VEPH1: variants seen among roughly 807,000 people sequenced by gnomAD.
VEPH1 encodes ventricular zone expressed PH domain containing 1.
VEPH1 carries 80 observed loss-of-function variants against 85.2 expected under a neutral mutation model. That is an observed-to-expected ratio of 0.94 (90% CI 0.78 to 1.13). VEPH1 has a LOEUF of 1.13. Among genes scored for constraint, VEPH1 ranks in the 50% most tolerant of loss-of-function variants. The probability of loss-of-function intolerance (pLI) is 0.00; values close to 1 mark genes in which losing one functional copy is unlikely to be tolerated. For synonymous variants in VEPH1, 297 were observed against 348.0 expected (o/e 0.85, Z 1.63); for missense variants, 955 against 980.5 (o/e 0.97, Z 0.35).
At chr3:157,425,129 A>G (rs1462664848) in intron 5 of VEPH1, among the ~76,000 whole-genome samples, 1 of 152,196 alleles carries the variant, frequency 6.6e-6, no homozygotes, top group Non-Finnish European at 1.5e-5. Flanking sequence ...GGGCCAAAGT[A>G]CAGCTCGGGC....
chr3:157,447,986 A>G (rs1734679110), intron 4 of VEPH1, among the ~76,000 whole-genome samples: 1 of 152,152 alleles, frequency 6.6e-6, no homozygotes, highest in Non-Finnish European at 1.5e-5. Context: ...GATGATGATG[A>G]TGATGATAGA....
intron 11 of VEPH1, among the ~76,000 whole-genome samples, chr3:157,293,013 AG>A (rs1232071585): frequency 1.3e-5 from 2 of 151,880 alleles, no homozygotes; most frequent in African/African-American, 2.4e-5. Flanking sequence ...AAAAGAAAAA[AG>A]TTTCATTTCA....
At chr3:157,415,099 A>C (rs1382312243) in intron 5 of VEPH1, 1 of 152,126 alleles carries the variant, frequency 6.6e-6, no homozygotes, top group Non-Finnish European at 1.5e-5. Context: ...CCACCTGGCT[A>C]CTCAAACTAG....
chr3:157,359,500 C>A (rs907902634), intron 9 of VEPH1, among the ~76,000 whole-genome samples: 2 of 152,186 alleles, frequency 1.3e-5, no homozygotes, highest in Admixed American at 6.5e-5. Flanking sequence ...TGTTTCATAT[C>A]CAAAATGACA....
chr3:157,308,577 C>G (rs1279914584), intron 11 of VEPH1, among the ~76,000 whole-genome samples: 2 of 151,218 alleles, frequency 1.3e-5, no homozygotes, highest in African/African-American at 2.4e-5. Flanking sequence ...TTTTTTGCCC[C>G]TCTCAAAAAT....
Position 157,460,239 on chromosome 3 carries a change from A to G in VEPH1, c.471T>C (p.Ile157=). The G allele has an allele frequency of 2.5e-6, 4 of 1,614,202 alleles. No homozygotes were observed. The highest frequency in any genetic ancestry group is 3.4e-6 in the Non-Finnish European group (4 of 1,180,038). The change falls in exon 4 of 14, where the codon ATT becomes ATC. Residue 157 remains isoleucine, a synonymous_variant. Coordinates refer to ENST00000362010, the MANE Select transcript of VEPH1 (RefSeq NM_001167912.2). ...NMSNYLSLAA[I]TKADLLADHT... ...GATCAGCCAGGAGATCTGCCTTGGT[A>G]ATTGCAGCCAGAGACAGGTAGTTAG... is the stretch of plus-strand genomic sequence containing the variant.
intron 13 of VEPH1, among the ~76,000 whole-genome samples, chr3:157,264,036 A>G (rs1275518073): frequency 6.6e-6 from 1 of 152,236 alleles, no homozygotes; most frequent in Non-Finnish European, 1.5e-5. Context: ...AGAGGCTGGC[A>G]TTTGAATTAG....
At chr3:157,489,677 CTG>C (rs1479214656) in intron 2 of VEPH1, among the ~76,000 whole-genome samples, 10 of 150,508 alleles carry the variant, frequency 6.6e-5, no homozygotes, top group Non-Finnish European at 1.5e-5. Context: ...TGTTTATTTT[CTG>C]TCTTACCCAA....
intron 6 of VEPH1, among the ~76,000 whole-genome samples, chr3:157,411,423 T>C (rs1466303153): frequency 1.3e-5 from 2 of 152,164 alleles, no homozygotes; most frequent in Non-Finnish European, 2.9e-5. Context: ...TGATGGGTGA[T>C]GGGCAAGGCC....
At chr3:157,444,188 G>A (rs891587294) in intron 4 of VEPH1, among the ~76,000 whole-genome samples, 1 of 152,184 alleles carries the variant, frequency 6.6e-6, no homozygotes, top group African/African-American at 2.4e-5. Context: ...ATTCTGAAAT[G>A]TTGTGGGCCC....
At chr3:157,442,936 T>C in intron 4 of VEPH1, 1 of 1,613,328 alleles carries the variant, frequency 6.2e-7, no homozygotes, top group Non-Finnish European at 8.5e-7. Flanking sequence ...GGGTGGGGAG[T>C]CACAGAGATC....
intron 7 of VEPH1, among the ~76,000 whole-genome samples, chr3:157,370,278 A>G (rs559020987): frequency 2.0e-5 from 3 of 152,290 alleles, no homozygotes; most frequent in East Asian, 3.9e-4. Flanking sequence ...TAAAGCTGGC[A>G]GGGGGTGGAA....
At chr3:157,414,290 T>C (rs1184565983) in intron 5 of VEPH1, among the ~76,000 whole-genome samples, 200 bp from the exon 6 acceptor site, 1 of 152,198 alleles carries the variant, frequency 6.6e-6, no homozygotes, top group Non-Finnish European at 1.5e-5. Context: ...TCAGAGCCTT[T>C]AGTTCCTTTT....
intron 3 of VEPH1, among the ~76,000 whole-genome samples, chr3:157,470,050 T>C (rs2109457262): frequency 6.6e-6 from 1 of 152,310 alleles, no homozygotes; most frequent in African/African-American, 2.4e-5. Flanking sequence ...TCTTGTTAAC[T>C]TTTTATATGT....
At position 157,470,351 on chromosome 3, in the gene VEPH1, G is replaced by C. The variant is rs200511674; in HGVS notation, c.317C>G (p.Ala106Gly). Residue 106 changes from alanine (A) to glycine (G), a missense_variant, in exon 3 of 14, where the codon GCA becomes GGA. Coordinates refer to ENST00000362010, the MANE Select transcript of VEPH1 (RefSeq NM_001167912.2). ...PFGKDEDTPH[A>G]KIASDIMSCI... is the part of the protein sequence containing the mutation. ...ACTCATGATATCAGATGCGATTTTT[G>C]CATGAGGAGTGTCTTCGTCTTTCCC... 1.9e-6 allele frequency: 3 copies of C among 1,614,028 alleles called. No individual in the cohort carries two copies. The highest frequency in any genetic ancestry group is 1.7e-6 in the Non-Finnish European group (2 of 1,179,990).
chr3:157,341,395 C>T lies in VEPH1; in HGVS notation c.1735+21969G>A, dbSNP rs141633126. 7.7e-3 allele frequency among the ~76,000 whole-genome samples: 1,176 copies of T among 152,112 alleles called. 52 individuals carry two copies. In the East Asian group the frequency reaches 0.14, roughly 18 times the overall value. On this transcript the variant is annotated intron_variant, in intron 9 of 13. Transcript: ENST00000362010. ...TGACGAATGCACAAGCTTCAGTAGC[C>T]GATTCAATCAACTGGAAGAAAGGGT...
chr3:157,494,125 T>C (rs142034216), intron 2 of VEPH1, among the ~76,000 whole-genome samples: 153 of 152,306 alleles, frequency 1.0e-3, no homozygotes, highest in African/African-American at 3.5e-3. Flanking sequence ...AGTGACTTCA[T>C]TGGTCACTGG....
In VEPH1 at chr3:157,313,637, G is replaced by A; in HGVS notation, c.1994C>T (p.Thr665Met). Residue 665 changes from threonine to methionine, a missense_variant, in exon 11 of 14, where the codon ACG (threonine) becomes ATG (methionine). Physicochemically the swap from Thr to Met is moderately conservative, Grantham distance 81. Transcript: ENST00000362010. ...AATATTTACCTTCTGCTGTGGAAACGTGGACTCCATCATGGCAGTTTCAAA... is the reference window on the plus strand; with the variant it reads ...AATATTTACCTTCTGCTGTGGAAACATGGACTCCATCATGGCAGTTTCAAA... ...HSFETAMMES[T>M]FPQQKDLDQV... 1.2e-6 allele frequency: 2 copies of A among 1,614,032 alleles called. No homozygotes were observed. Among genetic ancestry groups the A allele is most frequent in the Non-Finnish European group, 1.7e-6 (2 of 1,179,928 alleles).
chr3:157,442,576 T>C (rs1483765653), intron 4 of VEPH1: 2 of 1,614,222 alleles, frequency 1.2e-6, no homozygotes, highest in Middle Eastern at 1.6e-4. Flanking sequence ...ATAGTGTTTG[T>C]GGTGGGTGGA....
Sources: gnomAD v4.1 joint callset for allele counts (sites outside exome capture counted in the v4.1 genomes callset) on GRCh38, gnomAD v4.1.1 for gene constraint, MANE v1.5 for transcripts, NCBI Gene and HGNC (gene_info 2026-07-23, HGNC 2026-07-21) for gene names.